FOXK2: variants seen among roughly 807,000 people sequenced by gnomAD.
FOXK2 encodes the protein forkhead box K2.
A neutral mutation model predicts 53.3 loss-of-function variants in FOXK2; 24 were observed. That is an observed-to-expected ratio of 0.45 (90% CI 0.33 to 0.63). FOXK2 has a LOEUF of 0.63. Ranked by LOEUF, FOXK2 falls within the 30% of genes least tolerant of loss-of-function variation. The pLI, the probability that FOXK2 is intolerant of heterozygous loss-of-function variation, is 0.03. For missense variants in FOXK2, 952 were observed against 910.5 expected (o/e 1.05, Z -0.59); for synonymous variants, 505 against 407.1 (o/e 1.24, Z -2.89).
At chr17:82,595,654 GT>G (rs1374713082) in intron 8 of FOXK2, 6 of 686,232 alleles carry the variant, frequency 8.7e-6, no homozygotes, top group South Asian at 1.9e-5. Flanking sequence ...TGTGGTCACG[GT>G]TTTTCTTCGT....
intron 4 of FOXK2, among the ~76,000 whole-genome samples, chr17:82,574,909 C>T (rs2044965392): frequency 1.3e-5 from 2 of 152,316 alleles, no homozygotes; most frequent in Middle Eastern, 3.4e-3. Flanking sequence ...TTTGCATTTA[C>T]GTCCTATGAT....
At chr17:82,536,430 C>T (rs760502228) in intron 1 of FOXK2, among the ~76,000 whole-genome samples, 40 of 152,104 alleles carry the variant, frequency 2.6e-4, no homozygotes, top group Admixed American at 2.6e-3. Flanking sequence ...GGGTTTTTTG[C>T]TTGCCAAAGG....
Position 82,567,980 on chromosome 17 carries a change from A to C in FOXK2, c.615-74A>C. 4 of 1,235,788 alleles carry C rather than the reference A, an allele frequency of 3.2e-6. No individual in the cohort carries two copies. In the South Asian group the frequency reaches 7.6e-5, roughly 23 times the overall value. The allele number at this position is 1,235,788 out of a possible 1,614,324, so 76.6% of individuals were successfully genotyped here. On this transcript the variant is annotated intron_variant, in intron 2 of 8. Transcript: ENST00000335255. Reference sequence around the variant, plus strand: ...TCTGTATTTGTTATCCCTGTAATTAAAGCCAGTTGCTGAAGCACAGTAGGA... The same window carrying C: ...TCTGTATTTGTTATCCCTGTAATTACAGCCAGTTGCTGAAGCACAGTAGGA...
At chr17:82,589,051 C>CT (rs1488745122) in intron 8 of FOXK2, among the ~76,000 whole-genome samples, 1 of 151,974 alleles carries the variant, frequency 6.6e-6, no homozygotes, top group Non-Finnish European at 1.5e-5. Context: ...GTGCGAGACT[C>CT]TGTCTCAACA....
chr17:82,576,404 T>G (rs912875747), intron 4 of FOXK2, among the ~76,000 whole-genome samples: 2 of 152,216 alleles, frequency 1.3e-5, no homozygotes, highest in Non-Finnish European at 2.9e-5. Context: ...GGAGGAATAC[T>G]ACGGTTAATG....
chr17:82,565,478 CA>C (rs1370543149), intron 2 of FOXK2, among the ~76,000 whole-genome samples: 1 of 152,104 alleles, frequency 6.6e-6, no homozygotes, highest in African/African-American at 2.4e-5. Flanking sequence ...AACAAAGAAA[CA>C]AAAGACCCAG....
chr17:82,572,957 G>A (rs181348191), intron 4 of FOXK2, among the ~76,000 whole-genome samples: 5 of 152,238 alleles, frequency 3.3e-5, no homozygotes, highest in African/African-American at 4.8e-5. Context: ...TTTGAGAGCC[G>A]AGGCAGGTGG....
At chr17:82,554,906 C>T (rs188768710) in intron 1 of FOXK2, among the ~76,000 whole-genome samples, 362 of 152,086 alleles carry the variant, frequency 2.4e-3, no homozygotes, top group Middle Eastern at 0.014. Flanking sequence ...CCACCATGCC[C>T]GACTAATTTT....
intron 7 of FOXK2, 96 bp from the exon 8 acceptor site, chr17:82,586,967 A>C (rs1038273921): frequency 9.5e-7 from 1 of 1,055,618 alleles, no homozygotes; most frequent in Non-Finnish European, 1.4e-6. Flanking sequence ...ATTTTCTAGC[A>C]GGTGTGATAG....
At chr17:82,559,378 G>A (rs1406916612) in intron 1 of FOXK2, 10 of 456,252 alleles carry the variant, frequency 2.2e-5, no homozygotes, top group Non-Finnish European at 4.4e-5. Flanking sequence ...CGTGTGCAGA[G>A]CCCAGCAGAG....
chr17:82,603,404 G>A lies in FOXK2; in HGVS notation c.*1905G>A, dbSNP rs1216723759. The A allele has an allele frequency of 6.6e-6, 1 of 152,242 alleles. No individual in the cohort carries two copies. Among genetic ancestry groups the A allele is most frequent in the Non-Finnish European group, 1.5e-5 (1 of 68,052 alleles). 9.4% of individuals were successfully genotyped at this position (152,242 alleles called of 1,614,324 possible). On this transcript the variant is annotated 3_prime_UTR_variant, in exon 9 of 9. Transcript: ENST00000335255. ...CTCCACAGAGGGCTCCAGCTCTGTT[G>A]GTCACAGCTGATGGGGTTCTCTGAT...
intron 1 of FOXK2, among the ~76,000 whole-genome samples, chr17:82,547,119 T>G (rs1176626904): frequency 6.6e-6 from 1 of 151,596 alleles, no homozygotes; most frequent in Non-Finnish European, 1.5e-5. Flanking sequence ...AAGAATACAC[T>G]GATCTCTCTT....
chr17:82,562,502 C>T (rs568159735), intron 1 of FOXK2, among the ~76,000 whole-genome samples: 93 of 152,030 alleles, frequency 6.1e-4, no homozygotes, highest in African/African-American at 2.2e-3. Context: ...ATCGCTTGAA[C>T]CTGGGAGGTG....
At chr17:82,596,437 G>C (rs1293548174) in intron 8 of FOXK2, among the ~76,000 whole-genome samples, 1 of 17,478 alleles carries the variant, frequency 5.7e-5, no homozygotes, top group African/African-American at 9.4e-5. Context: ...TTGGTGTAGG[G>C]GGAGCCTCAG....
chr17:82,533,254 C>G (rs1312048458), intron 1 of FOXK2, among the ~76,000 whole-genome samples: 1 of 152,064 alleles, frequency 6.6e-6, no homozygotes, highest in Admixed American at 6.6e-5. Context: ...CTTTGGGAGG[C>G]CAGGCGGGTG....
chr17:82,537,572 TC>T (rs1466318346), intron 1 of FOXK2, among the ~76,000 whole-genome samples: 1 of 125,892 alleles, frequency 7.9e-6, no homozygotes, highest in Non-Finnish European at 1.5e-5. Flanking sequence ...TGAGCTGAGA[TC>T]ATGCCACTGC....
intron 1 of FOXK2, among the ~76,000 whole-genome samples, chr17:82,553,096 T>C (rs545652935): frequency 6.6e-6 from 1 of 152,182 alleles, no homozygotes; most frequent in African/African-American, 2.4e-5. Flanking sequence ...CCACCACACC[T>C]GGCTGATTTT....
In FOXK2 at chr17:82,520,004, G is replaced by T. The variant is rs775690877; in HGVS notation, c.116G>T (p.Arg39Leu). 6.9e-7 allele frequency: 1 copy of T among 1,459,440 alleles called. No individual in the cohort carries two copies. Among genetic ancestry groups the T allele is most frequent in the Non-Finnish European group, 9.1e-7 (1 of 1,101,550 alleles). 90.4% of individuals were successfully genotyped at this position (1,459,440 alleles called of 1,614,324 possible). A position where few individuals can be genotyped will look rare whatever the true frequency, so the allele number is the denominator to read the frequency against. ...CCGCCGGGCGGCTGGGCCGTGGCGC[G>T]CCTGGAGGGCCGCGAGTTCGAGTAT... Reference protein sequence around the residue: ...GSPPGGWAVARLEGREFEYLM... With the variant: ...GSPPGGWAVALLEGREFEYLM... The change falls in exon 1 of 9, where the codon CGC (arginine) becomes CTC (leucine). Residue 39 changes from arginine (R) to leucine (L), a missense_variant. Transcript: ENST00000335255.
chr17:82,585,797 A>G (rs544017683), intron 6 of FOXK2, 107 bp from the exon 7 acceptor site: 13 of 1,108,902 alleles, frequency 1.2e-5, no homozygotes, highest in East Asian at 2.5e-5. Context: ...GCCATATCCT[A>G]TATTTTAAAT....
Sources: allele counts gnomAD v4.1 joint callset (sites outside exome capture counted in the v4.1 genomes callset), GRCh38; gene constraint gnomAD v4.1.1; transcripts MANE v1.5; gene names NCBI Gene and HGNC (gene_info 2026-07-23, HGNC 2026-07-21).